RAB11FIP4: variants seen among roughly 807,000 people sequenced by gnomAD.
RAB11FIP4 encodes the protein rab11 family-interacting protein 4.
In RAB11FIP4, 23 loss-of-function variants were observed where a neutral mutation model predicts 74.3. The observed-to-expected ratio is 0.31, with a 90% CI of 0.22 to 0.44. RAB11FIP4 has a LOEUF of 0.44. RAB11FIP4 is among the 20% of genes least tolerant of loss of function. The probability of loss-of-function intolerance (pLI) is 1.00; values close to 1 mark genes in which losing one functional copy is unlikely to be tolerated. For synonymous variants in RAB11FIP4, 360 were observed against 359.9 expected, an observed-to-expected ratio of 1.00 and a Z score of 0.00; for missense variants, 630 against 863.9, an observed-to-expected ratio of 0.73 and a Z score of 3.39.
At chr17:31,393,736 C>T (rs1344341825) in intron 1 of RAB11FIP4, among the ~76,000 whole-genome samples, 1 of 152,180 alleles carries the variant, frequency 6.6e-6, no homozygotes. Context: ...CCCATTTTCC[C>T]TTCTCCAGGC....
chr17:31,453,792 C>CAAAAAAAAAAAAAAAAA (rs555119408), intron 3 of RAB11FIP4, among the ~76,000 whole-genome samples: 1 of 62,632 alleles, frequency 1.6e-5, no homozygotes, highest in Non-Finnish European at 3.4e-5. Flanking sequence ...AGACTCGTCT[C>CAAAAAAAAAAAAAAAAA]AAAAAAAAAA....
intron 3 of RAB11FIP4, among the ~76,000 whole-genome samples, chr17:31,463,302 T>C (rs1276574967): frequency 6.6e-6 from 1 of 152,112 alleles, no homozygotes; most frequent in African/African-American, 2.4e-5. Context: ...CTTCCCTACC[T>C]GTAAACTGGG....
intron 1 of RAB11FIP4, among the ~76,000 whole-genome samples, chr17:31,395,917 C>T (rs930278006): frequency 1.3e-5 from 2 of 152,104 alleles, no homozygotes; most frequent in African/African-American, 4.8e-5. Flanking sequence ...CGTGGTGGCT[C>T]ATGCCGGTAA....
chr17:31,510,600 GCTTA>G (rs111507418), intron 3 of RAB11FIP4, among the ~76,000 whole-genome samples: 7,943 of 152,256 alleles, frequency 0.052, 654 homozygotes, highest in African/African-American at 0.18. Context: ...TCATCTTAAT[GCTTA>G]CTAAAGGGTG....
intron 1 of RAB11FIP4, among the ~76,000 whole-genome samples, chr17:31,394,803 G>C (rs1220250619): frequency 6.6e-6 from 1 of 152,064 alleles, no homozygotes; most frequent in East Asian, 1.9e-4. Context: ...GGCACTTGTA[G>C]GGGTGGTTTT....
At chr17:31,527,246 C>T (rs2072782109) in intron 10 of RAB11FIP4, 1 of 152,254 alleles carries the variant, frequency 6.6e-6, no homozygotes, top group African/African-American at 2.4e-5. Flanking sequence ...GTCTGAGGAT[C>T]TGAAGGATGC....
intron 3 of RAB11FIP4, chr17:31,508,930 G>A (rs1221027446): frequency 6.6e-6 from 1 of 152,504 alleles, no homozygotes; most frequent in Non-Finnish European, 1.5e-5. Context: ...TGAAAACACT[G>A]AAAGAAAGGC....
intron 1 of RAB11FIP4, among the ~76,000 whole-genome samples, chr17:31,402,296 G>A (rs2070994971): frequency 6.6e-6 from 1 of 152,046 alleles, no homozygotes; most frequent in Admixed American, 6.6e-5. Flanking sequence ...CCAGGGATGG[G>A]GACTGGTATT....
chr17:31,408,520 T>C (rs1211289186), intron 1 of RAB11FIP4, among the ~76,000 whole-genome samples: 1 of 152,242 alleles, frequency 6.6e-6, no homozygotes, highest in African/African-American at 2.4e-5. Flanking sequence ...ATATAATTGA[T>C]TTTTTGTAAA....
intron 8 of RAB11FIP4, 137 bp from the exon 9 acceptor site, chr17:31,523,756 C>A: frequency 1.0e-6 from 1 of 993,342 alleles, no homozygotes; most frequent in Non-Finnish European, 1.6e-6. Flanking sequence ...ACGTGTTCCC[C>A]ACTCCCCCAC....
intron 3 of RAB11FIP4, among the ~76,000 whole-genome samples, chr17:31,517,191 C>CGGGGGGGGGGGGG (rs537395833): frequency 5.6e-4 from 24 of 42,776 alleles, no homozygotes; most frequent in Non-Finnish European, 9.9e-4. Flanking sequence ...GGAGGCGGTG[C>CGGGGGGGGGGGGG]GGGGGGGGGG....
intron 1 of RAB11FIP4, among the ~76,000 whole-genome samples, chr17:31,423,016 T>G (rs2071214599): frequency 6.7e-6 from 1 of 150,094 alleles, no homozygotes; most frequent in Admixed American, 6.7e-5. Context: ...GCTTCCTGGG[T>G]TCATGCCATT....
rs1251123558 is a variant in RAB11FIP4 at position 31,531,770 on chromosome 17, G to A, written c.*38G>A. 8 of 1,410,930 alleles carry A rather than the reference G, an allele frequency of 5.7e-6. No homozygotes were observed. Among genetic ancestry groups the A allele is most frequent in the African/African-American group, 1.4e-5 (1 of 70,860 alleles). 87.4% of individuals were successfully genotyped at this position (1,410,930 alleles called of 1,614,324 possible). On this transcript the variant is annotated 3_prime_UTR_variant, in exon 15 of 15. Transcript: ENST00000621161. ...GCTGCAGAGCAGCCTTAGGACCCTG[G>A]GACCAAGGGCAGACCCTGCCCAAGG... is the stretch of plus-strand genomic sequence containing the variant.
intron 3 of RAB11FIP4, among the ~76,000 whole-genome samples, chr17:31,476,600 G>A (rs937797508): frequency 2.0e-5 from 3 of 152,228 alleles, no homozygotes; most frequent in Non-Finnish European, 4.4e-5. Context: ...GGGCACTAGG[G>A]GGCTTCACCC....
At chr17:31,505,990 G>A (rs1269238802) in intron 3 of RAB11FIP4, among the ~76,000 whole-genome samples, 1 of 151,060 alleles carries the variant, frequency 6.6e-6, no homozygotes, top group East Asian at 1.9e-4. Context: ...TGTGAGCCAC[G>A]TTCAGCATGT....
intron 3 of RAB11FIP4, among the ~76,000 whole-genome samples, chr17:31,463,311 G>A (rs2071650430): frequency 6.6e-6 from 1 of 152,030 alleles, no homozygotes; most frequent in South Asian, 2.1e-4. Flanking sequence ...CTGTAAACTG[G>A]GCACAATGGT....
At position 31,521,334 on chromosome 17, in the gene RAB11FIP4, G is replaced by A. The variant is rs925230364; in HGVS notation, c.732G>A (p.Ser244=). 2 of 1,610,256 alleles carry A rather than the reference G, an allele frequency of 1.2e-6. No homozygotes were observed. Among genetic ancestry groups the A allele is most frequent in the Non-Finnish European group, 1.7e-6 (2 of 1,178,150 alleles). Residue 244 remains serine, a synonymous_variant, in exon 5 of 15, where the codon TCG becomes TCA. Transcript: ENST00000621161. Reference sequence around the variant, plus strand: ...ATGAGACCAGGACCAACGTCTACTCGGACCTGGGGTCTTCGGTGTCTTCCA... The same window carrying A: ...ATGAGACCAGGACCAACGTCTACTCAGACCTGGGGTCTTCGGTGTCTTCCA... ...PDDETRTNVY[S]DLGSSVSSSA...
chr17:31,467,330 G>A (rs2071695357), intron 3 of RAB11FIP4, among the ~76,000 whole-genome samples: 1 of 152,088 alleles, frequency 6.6e-6, no homozygotes, highest in Non-Finnish European at 1.5e-5. Context: ...AGTTGGCCAG[G>A]CTGGTCTCGA....
chr17:31,486,976 G>A (rs2071910249), intron 3 of RAB11FIP4, among the ~76,000 whole-genome samples: 1 of 152,248 alleles, frequency 6.6e-6, no homozygotes, highest in South Asian at 2.1e-4. Context: ...GCATGTGTGT[G>A]TGTGCATGTG....
Sources: allele counts gnomAD v4.1 joint callset (sites outside exome capture counted in the v4.1 genomes callset), GRCh38; gene constraint gnomAD v4.1.1; transcripts MANE v1.5; gene names NCBI Gene and HGNC (gene_info 2026-07-23, HGNC 2026-07-21).